Variants in SCTR observed in about 807,000 individuals in gnomAD.
The protein encoded by SCTR is secretin receptor.
SCTR carries 56 observed loss-of-function variants against 60.8 expected under a neutral mutation model. The observed-to-expected ratio is 0.92, with a 90% CI of 0.74 to 1.15. The LOEUF (loss-of-function observed/expected upper bound fraction) is 1.15, where lower values mean the gene tolerates loss of function less well. Ranked by LOEUF, SCTR falls within the 50% of genes most tolerant of loss-of-function variation. The pLI is 0.00. For synonymous variants in SCTR, 202 were observed against 217.0 expected (o/e 0.93, Z 0.61); for missense variants, 562 against 550.4 (o/e 1.02, Z -0.21).
intron 2 of SCTR, among the ~76,000 whole-genome samples, chr2:119,491,253 A>G (rs1197225963): frequency 1.3e-5 from 2 of 152,156 alleles, no homozygotes; most frequent in African/African-American, 4.8e-5. Flanking sequence ...AAGACTCTCC[A>G]AGGCTTTTGC....
chr2:119,446,453 A>C (rs1682930232), intron 11 of SCTR, among the ~76,000 whole-genome samples: 1 of 152,164 alleles, frequency 6.6e-6, no homozygotes, highest in Non-Finnish European at 1.5e-5. Flanking sequence ...ATCCGCGCTT[A>C]CGTTATTTTG....
Position 119,440,123 on chromosome 2 carries a change from G to T in SCTR, c.1317C>A (p.Ile439=). ...GTGACCCTGCTCCAGCCTCTCAGAT[G>T]ATGCTGGTCCTGCAGGTGCCCTGGC... The part of the protein sequence containing the change: ...EQSQGTCRTS[I]I The change falls in exon 13 of 13, where the codon ATC becomes ATA. Residue 439 remains isoleucine, a synonymous_variant. Transcript: ENST00000019103. The T allele has an allele frequency of 6.2e-7, 1 of 1,613,700 alleles. No homozygotes were observed.
intron 12 of SCTR, among the ~76,000 whole-genome samples, chr2:119,441,083 C>A (rs1224221621): frequency 6.6e-6 from 1 of 152,194 alleles, no homozygotes; most frequent in Non-Finnish European, 1.5e-5. Context: ...CAGTGCTCAT[C>A]TGGAGGTCCC....
chr2:119,498,013 A>C (rs1017243427), intron 1 of SCTR, among the ~76,000 whole-genome samples: 4 of 152,162 alleles, frequency 2.6e-5, no homozygotes, highest in Admixed American at 2.0e-4. Flanking sequence ...CAAGAGACAT[A>C]CACTTGTAGA....
chr2:119,496,214 C>T (rs1352224335), intron 1 of SCTR, among the ~76,000 whole-genome samples: 1 of 151,958 alleles, frequency 6.6e-6, no homozygotes, highest in Non-Finnish European at 1.5e-5. Flanking sequence ...CTGGTCAGCA[C>T]ACATGCTGTT....
intron 7 of SCTR, among the ~76,000 whole-genome samples, chr2:119,455,002 C>T (rs1573809925): frequency 6.6e-6 from 1 of 151,748 alleles, no homozygotes; most frequent in African/African-American, 2.4e-5. Flanking sequence ...ATTGTGGCTA[C>T]TAGAAAATTT....
chr2:119,508,329 T>A (rs13002619), intron 1 of SCTR, among the ~76,000 whole-genome samples: 24,450 of 150,926 alleles, frequency 0.16, 2,543 homozygotes, highest in Middle Eastern at 0.24. Flanking sequence ...TCCATCATAT[T>A]CTCTTTTCTA....
intron 2 of SCTR, among the ~76,000 whole-genome samples, chr2:119,480,369 G>A (rs1001086194): frequency 7.2e-5 from 11 of 152,114 alleles, no homozygotes; most frequent in African/African-American, 1.7e-4. Flanking sequence ...GGAAACTCCC[G>A]TTTATGAAAC....
At chr2:119,472,067 C>G (rs1677045096) in intron 4 of SCTR, among the ~76,000 whole-genome samples, 1 of 152,224 alleles carries the variant, frequency 6.6e-6, no homozygotes, top group African/African-American at 2.4e-5. Context: ...TCTGATTTGT[C>G]ACCGTGATTT....
rs1387286632 is a variant in SCTR, at chr2:119,524,390, C to G, written c.-164G>C. 10 of 418,688 alleles carry G rather than the reference C, an allele frequency of 2.4e-5. No individual in the cohort carries two copies. The East Asian group carries it at 2.7e-4, about 11-fold the overall frequency. The allele number at this position is 418,688 out of a possible 1,614,324, so 25.9% of individuals were successfully genotyped here. On this transcript the variant is annotated 5_prime_UTR_variant, in exon 1 of 13. Transcript: ENST00000019103. ...ACCTGCGGCGGGCCCCGGGACTGCT[C>G]CTCCTCGGACCAGGTGGCCGCGCGC... is the stretch of plus-strand genomic sequence containing the variant.
intron 10 of SCTR, 102 bp from the exon 11 acceptor site, chr2:119,446,987 T>A (rs1433620540): frequency 8.0e-7 from 1 of 1,249,890 alleles, no homozygotes; most frequent in Non-Finnish European, 1.0e-6. Context: ...GACTGACTGC[T>A]GAGGCTGGCT....
intron 11 of SCTR, among the ~76,000 whole-genome samples, chr2:119,445,747 G>C (rs1176780954): frequency 6.6e-6 from 1 of 151,866 alleles, no homozygotes; most frequent in African/African-American, 2.4e-5. Context: ...GTTTGATTTT[G>C]TCTTATGGAT....
In SCTR at chr2:119,478,869, C is replaced by A; in HGVS notation, c.243G>T (p.Pro81=). 6.2e-7 allele frequency: 1 copy of A among 1,614,188 alleles called. No homozygotes were observed. The highest frequency in any genetic ancestry group is 8.5e-7 in the Non-Finnish European group (1 of 1,180,030). ...DNISCWPSSV[P]GRMVEVECPR... ...GGCATTCCACCTCCACCATCCGGCC[C>A]GGCACAGAAGAGGGCCAGCAGCTTA... The change falls in exon 3 of 13, where the codon CCG becomes CCT. Residue 81 remains proline, a synonymous_variant. Transcript: ENST00000019103.
intron 4 of SCTR, among the ~76,000 whole-genome samples, chr2:119,473,157 G>A (rs564199445): frequency 1.4e-4 from 21 of 152,252 alleles, no homozygotes; most frequent in African/African-American, 4.1e-4. Context: ...CTATGTTAGC[G>A]TCTCTTTCAG....
In SCTR at chr2:119,523,133, C is replaced by A. The variant is rs75852787; in HGVS notation, c.72+1022G>T. Among the ~76,000 whole-genome samples, 948 of 152,190 alleles carry A rather than the reference C, an allele frequency of 6.2e-3. 10 individuals are homozygous for A. The highest frequency in any genetic ancestry group is 0.021 in the African/African-American group (887 of 41,514). ...CATGAGACTTGCCCAGGACAGAGAT[C>A]AGAGACTCAGTTGGGTCCCCAAGCG... On this transcript the variant is annotated intron_variant, in intron 1 of 12. Transcript: ENST00000019103.
intron 4 of SCTR, among the ~76,000 whole-genome samples, chr2:119,471,359 A>G (rs1309901304): frequency 6.6e-6 from 1 of 152,070 alleles, no homozygotes; most frequent in Admixed American, 6.6e-5. Flanking sequence ...GGCAGAGCCC[A>G]CTCACCATCC....
intron 3 of SCTR, among the ~76,000 whole-genome samples, chr2:119,476,080 G>A (rs1677285145): frequency 6.6e-6 from 1 of 152,130 alleles, no homozygotes. Context: ...TGTAGTAGGT[G>A]CCCTCAAGGA....
chr2:119,470,883 T>G (rs1676979803), intron 4 of SCTR, among the ~76,000 whole-genome samples: 1 of 152,222 alleles, frequency 6.6e-6, no homozygotes, highest in African/African-American at 2.4e-5. Flanking sequence ...GTATTTTTAG[T>G]AGAGACAGAG....
At chr2:119,494,341 C>T in intron 2 of SCTR, 87 bp downstream of exon 2, 3 of 1,461,370 alleles carry the variant, frequency 2.1e-6, no homozygotes, top group South Asian at 2.5e-5. Flanking sequence ...CACATCCCAT[C>T]CTGGCCCAGG....
Sources: allele counts gnomAD v4.1 joint callset (sites outside exome capture counted in the v4.1 genomes callset), GRCh38; gene constraint gnomAD v4.1.1; transcripts MANE v1.5; gene names NCBI Gene and HGNC (gene_info 2026-07-23, HGNC 2026-07-21).